The following TRIM37 variants were observed in gnomAD, a reference collection of about 807,000 sequenced individuals.
The protein encoded by TRIM37 is E3 ubiquitin-protein ligase TRIM37.
TRIM37 carries 80 observed loss-of-function variants against 129.8 expected under a neutral mutation model. The observed-to-expected ratio is 0.62, with a 90% CI of 0.51 to 0.74. The LOEUF is 0.74. Among genes scored for constraint, TRIM37 ranks in the 30% least tolerant of loss-of-function variants. The pLI is 0.00. For missense variants in TRIM37, 1,054 were observed against 1,176.5 expected (o/e 0.90, Z 1.52); for synonymous variants, 389 against 387.1 (o/e 1.00, Z -0.06).
intron 19 of TRIM37, among the ~76,000 whole-genome samples, chr17:59,027,051 A>G (rs1246067962): frequency 2.0e-5 from 3 of 152,176 alleles, no homozygotes; most frequent in African/African-American, 7.2e-5. Context: ...ACTTGACCCT[A>G]TTCAGTCTTC....
At chr17:59,057,876 T>C (rs566721938) in intron 12 of TRIM37, among the ~76,000 whole-genome samples, 3 of 152,114 alleles carry the variant, frequency 2.0e-5, no homozygotes, top group Non-Finnish European at 2.9e-5. Context: ...AATAGGTCCT[T>C]TTTTCCTCGT....
chr17:59,001,230 CA>C (rs1439355057), intron 23 of TRIM37, among the ~76,000 whole-genome samples: 1 of 146,482 alleles, frequency 6.8e-6, no homozygotes, highest in Non-Finnish European at 1.5e-5. Flanking sequence ...AAAAAACCCA[CA>C]AAGAAAATTC....
chr17:58,969,431 A>G, the TRIM37 span: 1 of 1,043,514 alleles, frequency 9.6e-7, no homozygotes, highest in Non-Finnish European at 1.5e-6. Flanking sequence ...ATTCTGAATG[A>G]CAAATGCAGT....
At chr17:59,029,743 TG>T (rs2037634011) in intron 18 of TRIM37, among the ~76,000 whole-genome samples, 1 of 151,946 alleles carries the variant, frequency 6.6e-6, no homozygotes, top group Non-Finnish European at 1.5e-5. Flanking sequence ...TACAAAAAAT[TG>T]TAGAGCACTC....
chr17:59,019,639 C>T (rs1449131819), intron 19 of TRIM37, among the ~76,000 whole-genome samples: 1 of 151,628 alleles, frequency 6.6e-6, no homozygotes, highest in African/African-American at 2.4e-5. Flanking sequence ...ACCCGGGAAG[C>T]GGAGCTTGCA....
intron 17 of TRIM37, among the ~76,000 whole-genome samples, chr17:59,037,940 CA>C (rs2038736467): frequency 6.6e-6 from 1 of 152,062 alleles, no homozygotes; most frequent in Non-Finnish European, 1.5e-5. Context: ...GAATGTTCCT[CA>C]ATTAAGGGTA....
At chr17:59,054,465 C>T (rs1209703551) in intron 13 of TRIM37, among the ~76,000 whole-genome samples, 1 of 151,952 alleles carries the variant, frequency 6.6e-6, no homozygotes, top group Non-Finnish European at 1.5e-5. Flanking sequence ...CCATGCCCAG[C>T]TAATTTTTGT....
chr17:59,011,478 T>C (rs1048719361), intron 22 of TRIM37, among the ~76,000 whole-genome samples: 4 of 152,288 alleles, frequency 2.6e-5, no homozygotes, highest in African/African-American at 7.2e-5. Context: ...TCATCAATCA[T>C]TGAAATTCAA....
At chr17:59,046,908 A>G (rs1027096907) in intron 16 of TRIM37, among the ~76,000 whole-genome samples, 6 of 150,382 alleles carry the variant, frequency 4.0e-5, no homozygotes, top group African/African-American at 1.5e-4. Flanking sequence ...TAATCCCAAC[A>G]CTTTGGGAGG....
At position 59,021,803 on chromosome 17, in the gene TRIM37, G is replaced by C. The variant is rs541676589; in HGVS notation, c.2258-4379C>G. 6.0e-4 allele frequency among the ~76,000 whole-genome samples: 91 copies of C among 152,158 alleles called. 5 individuals are homozygous for C. The South Asian group carries it at 0.019, about 32-fold the overall frequency. Reference sequence around the variant, plus strand: ...GTTTTAACACAAAGGATAAATGCTTGAGATGATGGATACTCCATTTACCCT... The same window carrying C: ...GTTTTAACACAAAGGATAAATGCTTCAGATGATGGATACTCCATTTACCCT... On this transcript the variant is annotated intron_variant, in intron 19 of 23. Coordinates refer to ENST00000262294, the MANE Select transcript of TRIM37 (RefSeq NM_015294.6).
At chr17:58,997,679 G>A (rs141460736), downstream of TRIM37, among the ~76,000 whole-genome samples, 203 of 152,090 alleles carry the variant, frequency 1.3e-3, 2 homozygotes, top group Middle Eastern at 0.017. Context: ...ACAGAAGCAA[G>A]GTAACAGCAG....
intron 21 of TRIM37, among the ~76,000 whole-genome samples, chr17:59,015,124 A>T (rs2035759311): frequency 6.6e-6 from 1 of 151,074 alleles, no homozygotes; most frequent in East Asian, 1.9e-4. Flanking sequence ...AAAAAAGTAA[A>T]ATCTCTGATA....
chr17:59,006,604 T>C lies in TRIM37; in HGVS notation c.2696-4890A>G, dbSNP rs576884555. 3.9e-5 allele frequency among the ~76,000 whole-genome samples: 6 copies of C among 152,150 alleles called. No homozygotes were observed. The South Asian group carries it at 8.3e-4, about 21-fold the overall frequency. On this transcript the variant is annotated intron_variant, in intron 22 of 23. Coordinates refer to ENST00000262294, the MANE Select transcript of TRIM37 (RefSeq NM_015294.6). ...GGGAGACCAACTAACTGGACTTGGCTGGCTGGGTGCGCGGTGGCTCATGCC... is the reference window on the plus strand; with the variant it reads ...GGGAGACCAACTAACTGGACTTGGCCGGCTGGGTGCGCGGTGGCTCATGCC...
At chr17:58,968,193 T>C in the TRIM37 span, among the ~76,000 whole-genome samples, 35 of 152,358 alleles carry the variant, frequency 2.3e-4, no homozygotes, top group Admixed American at 2.0e-3. Flanking sequence ...GACAAAGGTT[T>C]CATAACATTT....
chr17:59,019,536 C>T (rs1297782610), intron 19 of TRIM37, among the ~76,000 whole-genome samples: 2 of 152,040 alleles, frequency 1.3e-5, no homozygotes, highest in East Asian at 1.9e-4. Context: ...GGTGAAACCT[C>T]GTCTCTACTA....
the TRIM37 span, among the ~76,000 whole-genome samples, chr17:58,973,674 C>T: frequency 6.6e-6 from 1 of 151,708 alleles, no homozygotes; most frequent in East Asian, 1.9e-4. Context: ...AAACAAAGGC[C>T]GGGCGCAGTG....
At chr17:58,969,685 C>T in the TRIM37 span, 1 of 1,614,152 alleles carries the variant, frequency 6.2e-7, no homozygotes, top group East Asian at 2.2e-5. Context: ...GCAGGGCCTT[C>T]CGGGTCACTG....
intron 17 of TRIM37, among the ~76,000 whole-genome samples, chr17:59,041,030 G>A (rs1393986733): frequency 6.6e-6 from 1 of 151,856 alleles, no homozygotes; most frequent in African/African-American, 2.4e-5. Flanking sequence ...TCCGACCTGG[G>A]CGACAGAGCG....
At chr17:59,060,258 T>TTCTCA (rs964069268) in intron 12 of TRIM37, among the ~76,000 whole-genome samples, 2 of 152,290 alleles carry the variant, frequency 1.3e-5, no homozygotes, top group Non-Finnish European at 2.9e-5. Context: ...TAGTTTGTGT[T>TTCTCA]TCTCATCTCT....
Sources: gnomAD v4.1 joint callset for allele counts (sites outside exome capture counted in the v4.1 genomes callset) on GRCh38, gnomAD v4.1.1 for gene constraint, MANE v1.5 for transcripts, NCBI Gene and HGNC (gene_info 2026-07-23, HGNC 2026-07-21) for gene names.